The following AP2M1 variants were observed in gnomAD, a reference collection of about 807,000 sequenced individuals.
AP2M1 encodes adaptor related protein complex 2 subunit mu 1, also known as AP-2 complex subunit mu.
AP2M1 carries 5 observed loss-of-function variants against 54.5 expected under a neutral mutation model. The observed-to-expected ratio is 0.09, with a 90% CI of 0.05 to 0.19. The LOEUF (loss-of-function observed/expected upper bound fraction) is 0.19. Among genes scored for constraint, AP2M1 ranks in the 10% least tolerant of loss-of-function variants. The probability of loss-of-function intolerance (pLI) is 1.00; values close to 1 mark genes in which losing one functional copy is unlikely to be tolerated. For synonymous variants in AP2M1, 186 were observed against 208.2 expected, an observed-to-expected ratio of 0.89 and a Z score of 0.92; for missense variants, 178 against 580.2, an observed-to-expected ratio of 0.31 and a Z score of 7.12.
Position 184,180,401 on chromosome 3 carries a change from G to C in AP2M1, c.423+150G>C. 1 of 1,112,310 alleles carries C rather than the reference G, an allele frequency of 9.0e-7. No homozygotes were observed. Among genetic ancestry groups the C allele is most frequent in the Non-Finnish European group, 1.3e-6 (1 of 774,704 alleles). 68.9% of individuals were successfully genotyped at this position (1,112,310 alleles called of 1,614,324 possible). ...CCTGCCATGATTGCAGGCCGATTTTGCTCTGTGTGGTCCTCCCACTGCAGG... is the reference window on the plus strand; with the variant it reads ...CCTGCCATGATTGCAGGCCGATTTTCCTCTGTGTGGTCCTCCCACTGCAGG... On this transcript the variant is annotated intron_variant, in intron 4 of 11. Coordinates refer to ENST00000292807, the MANE Select transcript of AP2M1 (RefSeq NM_004068.4). The surrounding 1 kb of genome is among the most constrained non-coding windows in gnomAD (Gnocchi z 4.9).
rs2109031694 is a variant in AP2M1, at chr3:184,181,934, A to G, written c.850A>G (p.Ile284Val). 1 of 1,614,132 alleles carries G rather than the reference A, an allele frequency of 6.2e-7. No individual in the cohort carries two copies. The highest frequency in any genetic ancestry group is 8.5e-7 in the Non-Finnish European group (1 of 1,180,022). The change falls in exon 9 of 12, where the codon ATC becomes GTC. Residue 284 changes from isoleucine to valine, a missense_variant. This residue lies in a region of AP2M1 where 59 missense variants were observed against 176.8 expected (regional missense o/e 0.33). Coordinates refer to ENST00000292807, the MANE Select transcript of AP2M1 (RefSeq NM_004068.4). The surrounding 1 kb of genome is among the most constrained non-coding windows in gnomAD (Gnocchi z 5.7). ...AAGGTATCGCACAACCAAGGACATC[A>G]TCCTTCCCTTCCGGGTGATCCCGCT... ...LMRYRTTKDIILPFRVIPLVR... is the reference protein window; with the variant it reads ...LMRYRTTKDIVLPFRVIPLVR...
intron 1 of AP2M1, 122 bp from the exon 2 acceptor site, chr3:184,176,829 G>A (rs1423869445): frequency 2.4e-5 from 14 of 592,364 alleles, no homozygotes; most frequent in Admixed American, 7.2e-5. Context: ...GTCTGGGAGG[G>A]CTGCAGGGTC....
chr3:184,181,660 C>G lies in AP2M1; in HGVS notation c.708-36C>G. 6.2e-7 allele frequency: 1 copy of G among 1,611,584 alleles called. No individual in the cohort carries two copies. The highest frequency in any genetic ancestry group is 8.5e-7 in the Non-Finnish European group (1 of 1,179,112). ...TCCCAGCATGACAGCTGTCATTCTC[C>G]TGTACCAATGAGACCTCTTCTGCCC... On this transcript the variant is annotated intron_variant, in intron 7 of 11. Coordinates refer to ENST00000292807, the MANE Select transcript of AP2M1 (RefSeq NM_004068.4). The surrounding 1 kb of genome is among the most constrained non-coding windows in gnomAD (Gnocchi z 5.7).
chr3:184,183,775 G>A lies in AP2M1; in HGVS notation c.*159G>A. 1 of 848,472 alleles carries A rather than the reference G, an allele frequency of 1.2e-6. No individual in the cohort carries two copies. Among genetic ancestry groups the A allele is most frequent in the Non-Finnish European group, 1.8e-6 (1 of 563,230 alleles). 52.6% of individuals were successfully genotyped at this position (848,472 alleles called of 1,614,324 possible). A position where few individuals can be genotyped will look rare whatever the true frequency, so the allele number is the denominator to read the frequency against. On this transcript the variant is annotated 3_prime_UTR_variant, in exon 12 of 12. Transcript: ENST00000292807. This position sits in a 1 kb window ranked among gnomAD's most constrained non-coding sequence, Gnocchi z 5.7. ...GGTCTGGGCCAAGCACATTACAAGT[G>A]GGACCGGTGGAGCAGCCCCTGGGCT...
chr3:184,180,887 T>G lies in AP2M1; in HGVS notation c.468T>G (p.Thr156=), dbSNP rs763909058. 10 of 1,614,212 alleles carry G rather than the reference T, an allele frequency of 6.2e-6. No homozygotes were observed. The highest frequency in any genetic ancestry group is 1.3e-5 in the African/African-American group (1 of 75,058). The stretch of plus-strand genomic sequence containing the variant: ...AGTCACAGATCACCAGCCAGGTAAC[T>G]GGGCAGATTGGCTGGCGGCGAGAGG... ...EEQSQITSQV[T]GQIGWRREGI... is the part of the protein sequence containing the mutation. Residue 156 remains threonine (T), a synonymous_variant, in exon 6 of 12, where the codon ACT becomes ACG. Coordinates refer to ENST00000292807, the MANE Select transcript of AP2M1 (RefSeq NM_004068.4). The surrounding 1 kb of genome is among the most constrained non-coding windows in gnomAD (Gnocchi z 4.9).
chr3:184,182,395 C>A lies in AP2M1; in HGVS notation c.1061+147C>A. On this transcript the variant is annotated intron_variant, in intron 10 of 11. Coordinates refer to ENST00000292807, the MANE Select transcript of AP2M1 (RefSeq NM_004068.4). This position sits in a 1 kb window ranked among gnomAD's most constrained non-coding sequence, Gnocchi z 5.5. ...TCTGCTTGTACTGTCAGTCTTTATA[C>A]CTCCATGTGAGTATGTACACGCCTG... is the stretch of plus-strand genomic sequence containing the variant. 1.2e-6 allele frequency: 1 copy of A among 824,228 alleles called. No individual in the cohort carries two copies. Among genetic ancestry groups the A allele is most frequent in the Non-Finnish European group, 1.9e-6 (1 of 532,738 alleles). 51.1% of individuals were successfully genotyped at this position (824,228 alleles called of 1,614,324 possible).
rs759943000 is a variant in AP2M1, at chr3:184,180,188, C to T, written c.360C>T (p.Tyr120=). 6.2e-7 allele frequency: 1 copy of T among 1,614,202 alleles called. No homozygotes were observed. The highest frequency in any genetic ancestry group is 8.5e-7 in the Non-Finnish European group (1 of 1,180,040). ...ELLDEILDFG[Y]PQNSETGALK... is the part of the protein sequence containing the mutation. ...TTGCAGAGATTCTAGACTTTGGCTA[C>T]CCACAGAATTCCGAGACAGGCGCGC... The change falls in exon 4 of 12, where the codon TAC becomes TAT. Residue 120 remains tyrosine (Y), a synonymous_variant. Coordinates refer to ENST00000292807, the MANE Select transcript of AP2M1 (RefSeq NM_004068.4). The surrounding 1 kb of genome is among the most constrained non-coding windows in gnomAD (Gnocchi z 4.9).
Position 184,182,873 on chromosome 3 carries a change from G to A in AP2M1, c.1173+5G>A. 1 of 1,612,000 alleles carries A rather than the reference G, an allele frequency of 6.2e-7. No individual in the cohort carries two copies. The highest frequency in any genetic ancestry group is 8.5e-7 in the Non-Finnish European group (1 of 1,178,360). ...CCCATTTCCATGAACTTTGAGGTAT[G>A]GCAGAGGAGGGGCCTAGAGTCATGC... On this transcript the variant is annotated splice_donor_5th_base_variant and intron_variant, in intron 11 of 11. Coordinates refer to ENST00000292807, the MANE Select transcript of AP2M1 (RefSeq NM_004068.4). This position sits in a 1 kb window ranked among gnomAD's most constrained non-coding sequence, Gnocchi z 5.5.
intron 1 of AP2M1, chr3:184,176,740 G>A: frequency 2.0e-6 from 1 of 490,336 alleles, no homozygotes; most frequent in Non-Finnish European, 3.6e-6. Context: ...TAGAATCCTG[G>A]GCCTAATCTC....
intron 1 of AP2M1, among the ~76,000 whole-genome samples, chr3:184,176,526 C>T (rs958717595): frequency 1.3e-5 from 2 of 152,208 alleles, no homozygotes; most frequent in Admixed American, 6.5e-5. Flanking sequence ...TGCCTGGGGG[C>T]CCCAGGCCTG....
chr3:184,174,869 C>T lies in AP2M1; in HGVS notation c.-134C>T. On this transcript the variant is annotated 5_prime_UTR_variant, in exon 1 of 12. Transcript: ENST00000292807. Reference sequence around the variant, plus strand: ...GGGGCGGCGGCACTGCGGTGAAAGCCGAGGCAGCGGGCAGACGAGCAGGGG... The same window carrying T: ...GGGGCGGCGGCACTGCGGTGAAAGCTGAGGCAGCGGGCAGACGAGCAGGGG... 2.5e-6 allele frequency: 1 copy of T among 398,040 alleles called. No individual in the cohort carries two copies. The highest frequency in any genetic ancestry group is 4.4e-6 in the Non-Finnish European group (1 of 225,652). 24.7% of individuals were successfully genotyped at this position (398,040 alleles called of 1,614,324 possible). A position where few individuals can be genotyped will look rare whatever the true frequency, so the allele number is the denominator to read the frequency against.
At chr3:184,179,926 G>A (rs1262551414) in intron 3 of AP2M1, 4 of 546,092 alleles carry the variant, frequency 7.3e-6, no homozygotes, top group African/African-American at 5.7e-5. Flanking sequence ...CTCCCGAAGT[G>A]TTGGGATTAC....
At position 184,178,759 on chromosome 3, in the gene AP2M1, G is replaced by A; in HGVS notation, c.75-98G>A. On this transcript the variant is annotated intron_variant, in intron 2 of 11. Transcript: ENST00000292807. The surrounding 1 kb of genome is among the most constrained non-coding windows in gnomAD (Gnocchi z 4.9). ...TTTGGAGTGTGTGTGTCAGACTTCT[G>A]CAGAAAGGAGGGTGGGGCTGTTAGC... 2.1e-6 allele frequency: 3 copies of A among 1,453,240 alleles called. No homozygotes were observed. The highest frequency in any genetic ancestry group is 2.8e-6 in the Non-Finnish European group (3 of 1,067,472). The allele number at this position is 1,453,240 out of a possible 1,614,324, so 90.0% of individuals were successfully genotyped here.
chr3:184,178,281 G>A lies in AP2M1; in HGVS notation c.75-576G>A, dbSNP rs528398127. On this transcript the variant is annotated intron_variant, in intron 2 of 11. Coordinates refer to ENST00000292807, the MANE Select transcript of AP2M1 (RefSeq NM_004068.4). The surrounding 1 kb of genome is among the most constrained non-coding windows in gnomAD (Gnocchi z 4.9). ...AGGTGGGTGGGGGCCTGCCCCCATC[G>A]TTTTCCTGCATCCTTTTTCATTCCC... 97 of 1,516,376 alleles carry A rather than the reference G, an allele frequency of 6.4e-5. 1 individual carries two copies. In the East Asian group the frequency reaches 1.8e-3, roughly 28 times the overall value. 93.9% of individuals were successfully genotyped at this position (1,516,376 alleles called of 1,614,324 possible).
Position 184,183,763 on chromosome 3 carries a change from C to A in AP2M1, c.*147C>A. ...AGCCCGAGTCTAGGTCTGGGCCAAG[C>A]ACATTACAAGTGGGACCGGTGGAGC... On this transcript the variant is annotated 3_prime_UTR_variant, in exon 12 of 12. Coordinates refer to ENST00000292807, the MANE Select transcript of AP2M1 (RefSeq NM_004068.4). This position sits in a 1 kb window ranked among gnomAD's most constrained non-coding sequence, Gnocchi z 5.7. 2.0e-6 allele frequency: 2 copies of A among 995,970 alleles called. No homozygotes were observed. The highest frequency in any genetic ancestry group is 2.9e-6 in the Non-Finnish European group (2 of 688,812). The allele number at this position is 995,970 out of a possible 1,614,324, so 61.7% of individuals were successfully genotyped here.
Position 184,183,273 on chromosome 3 carries a change from C to A in AP2M1, c.1174-209C>A. ...GCAGTTCTTTGGTTGCTGTCTCCTGCTGATTAAAGGAACTGATTCAAGGTG... is the reference window on the plus strand; with the variant it reads ...GCAGTTCTTTGGTTGCTGTCTCCTGATGATTAAAGGAACTGATTCAAGGTG... On this transcript the variant is annotated intron_variant, in intron 11 of 11. Coordinates refer to ENST00000292807, the MANE Select transcript of AP2M1 (RefSeq NM_004068.4). This position sits in a 1 kb window ranked among gnomAD's most constrained non-coding sequence, Gnocchi z 5.7. 1.6e-6 allele frequency: 1 copy of A among 635,200 alleles called. No homozygotes were observed. Among genetic ancestry groups the A allele is most frequent in the Non-Finnish European group, 2.7e-6 (1 of 370,484 alleles). The allele number at this position is 635,200 out of a possible 1,614,324, so 39.3% of individuals were successfully genotyped here.
At chr3:184,175,083 A>G (rs1030664065) in intron 1 of AP2M1, 124 bp downstream of exon 1, 4 of 395,894 alleles carry the variant, frequency 1.0e-5, no homozygotes, top group African/African-American at 2.1e-5. Context: ...GAGTGGCTTC[A>G]GCCTTCGGAC....
chr3:184,182,636 C>T lies in AP2M1; in HGVS notation c.1062-121C>T. On this transcript the variant is annotated intron_variant, in intron 10 of 11. Transcript: ENST00000292807. This position sits in a 1 kb window ranked among gnomAD's most constrained non-coding sequence, Gnocchi z 5.5. ...AGCAAGTGGTTAGCAGGGTCCTGAC[C>T]ACTTCTCCTTGTTCTGGCACCTCCT... 1 of 769,706 alleles carries T rather than the reference C, an allele frequency of 1.3e-6. No individual in the cohort carries two copies. Among genetic ancestry groups the T allele is most frequent in the African/African-American group, 1.8e-5 (1 of 57,116 alleles). The allele number at this position is 769,706 out of a possible 1,614,324, so 47.7% of individuals were successfully genotyped here. A position where few individuals can be genotyped will look rare whatever the true frequency, so the allele number is the denominator to read the frequency against.
At position 184,182,407 on chromosome 3, in the gene AP2M1, T is replaced by A; in HGVS notation, c.1061+159T>A. The A allele has an allele frequency of 1.3e-6, 1 of 746,050 alleles. No homozygotes were observed. The highest frequency in any genetic ancestry group is 2.2e-6 in the Non-Finnish European group (1 of 464,564). The allele number at this position is 746,050 out of a possible 1,614,324, so 46.2% of individuals were successfully genotyped here. On this transcript the variant is annotated intron_variant, in intron 10 of 11. Transcript: ENST00000292807. The surrounding 1 kb of genome is among the most constrained non-coding windows in gnomAD (Gnocchi z 5.5). ...GTCAGTCTTTATACCTCCATGTGAGTATGTACACGCCTGCATTTGGGTTCA... is the reference window on the plus strand; with the variant it reads ...GTCAGTCTTTATACCTCCATGTGAGAATGTACACGCCTGCATTTGGGTTCA...
Sources: gnomAD v4.1 joint callset for allele counts (sites outside exome capture counted in the v4.1 genomes callset) on GRCh38, gnomAD v4.1.1 for gene constraint, gnomAD v4.1.1 regional missense constraint, Gnocchi (gnomAD v3.1) non-coding constraint, MANE v1.5 for transcripts, NCBI Gene and HGNC (gene_info 2026-07-23, HGNC 2026-07-21) for gene names.